Variants in FGF12 observed in about 807,000 individuals in gnomAD.
FGF12 encodes the protein fibroblast growth factor 12B.
In FGF12, 14 loss-of-function variants were observed where a neutral mutation model predicts 23.6. That is an observed-to-expected ratio of 0.59 (90% CI 0.39 to 0.93). FGF12 has a LOEUF of 0.93. Ranked by LOEUF, FGF12 falls within the 40% of genes least tolerant of loss-of-function variation. The pLI, the probability that FGF12 is intolerant of heterozygous loss-of-function variation, is 0.00. For missense variants in FGF12, 175 were observed against 217.8 expected (o/e 0.80, Z 1.24); for synonymous variants, 62 against 77.3 (o/e 0.80, Z 1.04).
chr3:192,567,759 TTCTTTCTTTCTTTC>T (rs1478408428), intron 2 of FGF12, among the ~76,000 whole-genome samples: 245 of 129,616 alleles, frequency 1.9e-3, no homozygotes, highest in African/African-American at 6.4e-3. Flanking sequence ...CTTTCTTTCT[TTCTTTCTTTCTTTC>T]TTTCTTTCTT....
intron 3 of FGF12, among the ~76,000 whole-genome samples, chr3:192,358,973 C>G (rs550342842): frequency 1.3e-5 from 2 of 152,224 alleles, no homozygotes; most frequent in African/African-American, 2.4e-5. Context: ...AAGTGGTTCC[C>G]TGGTTCTTGC....
At chr3:192,268,975 C>G (rs1713253707) in intron 4 of FGF12, among the ~76,000 whole-genome samples, 2 of 152,124 alleles carry the variant, frequency 1.3e-5, no homozygotes. Context: ...AGTGCAGCAG[C>G]ATGAACCTGG....
chr3:192,221,138 A>C (rs961397033), intron 4 of FGF12, among the ~76,000 whole-genome samples: 4 of 152,124 alleles, frequency 2.6e-5, no homozygotes, highest in African/African-American at 9.7e-5. Flanking sequence ...TTTTACTCAA[A>C]ACACACAATT....
chr3:192,375,534 C>A (rs2108747510), intron 2 of FGF12, among the ~76,000 whole-genome samples: 1 of 152,262 alleles, frequency 6.6e-6, no homozygotes, highest in African/African-American at 2.4e-5. Context: ...CCACATATTC[C>A]TATTACTGGC....
chr3:192,312,402 CTTTAAT>C (rs1484168937), intron 4 of FGF12, among the ~76,000 whole-genome samples: 9 of 148,196 alleles, frequency 6.1e-5, no homozygotes, highest in African/African-American at 2.2e-4. Context: ...AAAACTTAGC[CTTTAAT>C]TTTTTTTTTT....
At chr3:192,712,484 A>G (rs1012406128) in intron 2 of FGF12, among the ~76,000 whole-genome samples, 1 of 152,034 alleles carries the variant, frequency 6.6e-6, no homozygotes, top group Admixed American at 6.6e-5. Context: ...AAAAGAATAG[A>G]CACTAAAAGT....
intron 2 of FGF12, among the ~76,000 whole-genome samples, chr3:192,487,528 A>G (rs1723672156): frequency 6.6e-6 from 1 of 152,100 alleles, no homozygotes; most frequent in Non-Finnish European, 1.5e-5. Flanking sequence ...GTTTCTGAAG[A>G]CATTCACACA....
chr3:192,546,905 G>C (rs1049344774), intron 2 of FGF12, among the ~76,000 whole-genome samples: 21 of 151,982 alleles, frequency 1.4e-4, no homozygotes, highest in African/African-American at 5.1e-4. Flanking sequence ...ACAAAAATTA[G>C]CCTGGCATGG....
chr3:192,471,881 A>G (rs1436286408), intron 2 of FGF12, among the ~76,000 whole-genome samples: 2 of 152,206 alleles, frequency 1.3e-5, no homozygotes, highest in Non-Finnish European at 2.9e-5. Context: ...AAGCTTACAT[A>G]TTTATTCTAA....
chr3:192,236,526 A>C (rs1474474734), intron 4 of FGF12, among the ~76,000 whole-genome samples: 2 of 152,134 alleles, frequency 1.3e-5, no homozygotes, highest in African/African-American at 4.8e-5. Flanking sequence ...ACTTTTATGA[A>C]TCTTAGTGTT....
At chr3:192,520,394 C>A (rs1724788101) in intron 2 of FGF12, among the ~76,000 whole-genome samples, 1 of 152,150 alleles carries the variant, frequency 6.6e-6, no homozygotes, top group South Asian at 2.1e-4. Context: ...CTACTATACA[C>A]TTAAGGTAGT....
chr3:192,404,080 C>T (rs1393634968), intron 2 of FGF12, among the ~76,000 whole-genome samples: 2 of 152,084 alleles, frequency 1.3e-5, no homozygotes, highest in Admixed American at 6.5e-5. Flanking sequence ...TTAAAGGGAT[C>T]GGCGTATGAA....
intron 4 of FGF12, among the ~76,000 whole-genome samples, chr3:192,300,004 G>A (rs947459155): frequency 1.1e-4 from 17 of 152,142 alleles, no homozygotes; most frequent in Non-Finnish European, 2.2e-4. Context: ...GTGCTCATGT[G>A]ATGCTCCACC....
At chr3:192,574,324 A>G (rs1043694215) in intron 2 of FGF12, among the ~76,000 whole-genome samples, 1 of 152,212 alleles carries the variant, frequency 6.6e-6, no homozygotes, top group South Asian at 2.1e-4. Flanking sequence ...ATGAAGCCTC[A>G]ATTCTTAGCA....
At chr3:192,455,138 A>G (rs1042017062) in intron 2 of FGF12, among the ~76,000 whole-genome samples, 4 of 152,194 alleles carry the variant, frequency 2.6e-5, no homozygotes, top group Admixed American at 6.5e-5. Context: ...CCTAAAATTA[A>G]AAGCCTATAG....
Position 192,619,848 on chromosome 3 carries a change from G to A in FGF12, c.13+107333C>T, listed in dbSNP as rs114983429. Among the ~76,000 whole-genome samples the A allele has an allele frequency of 5.3e-3, 813 of 152,220 alleles. 7 individuals are homozygous for A. Among genetic ancestry groups the A allele is most frequent in the African/African-American group, 0.019 (784 of 41,556 alleles). ...ATCAGGAAACCATCTCCTGCTGGGCGAATTTTCAGCTGGAGCAGAAGAATG... is the reference window on the plus strand; with the variant it reads ...ATCAGGAAACCATCTCCTGCTGGGCAAATTTTCAGCTGGAGCAGAAGAATG... On this transcript the variant is annotated intron_variant, in intron 2 of 5. Transcript: ENST00000445105.
chr3:192,287,620 A>G (rs535797251), intron 4 of FGF12, among the ~76,000 whole-genome samples: 1 of 152,136 alleles, frequency 6.6e-6, no homozygotes, highest in African/African-American at 2.4e-5. Flanking sequence ...CCTTCAGTGG[A>G]GGGGCAAATG....
chr3:192,440,519 C>G (rs1722172906), intron 2 of FGF12, among the ~76,000 whole-genome samples: 1 of 152,184 alleles, frequency 6.6e-6, no homozygotes, highest in African/African-American at 2.4e-5. Context: ...TGTAGCGATA[C>G]TGCCAACAGA....
At chr3:192,532,384 A>C (rs1725110590) in intron 2 of FGF12, among the ~76,000 whole-genome samples, 1 of 152,148 alleles carries the variant, frequency 6.6e-6, no homozygotes, top group African/African-American at 2.4e-5. Context: ...ATTTATGAGC[A>C]TGGGTTGTCT....
Sources: gnomAD v4.1 joint callset for allele counts (sites outside exome capture counted in the v4.1 genomes callset) on GRCh38, gnomAD v4.1.1 for gene constraint, MANE v1.5 for transcripts, NCBI Gene and HGNC (gene_info 2026-07-23, HGNC 2026-07-21) for gene names.